Variants in PCNX4 observed in about 807,000 individuals in gnomAD.
PCNX4 encodes the protein pecanex-like protein 4.
Under a neutral mutation model 107.2 loss-of-function variants are expected in PCNX4, and 103 were observed. That is an observed-to-expected ratio of 0.96 (90% CI 0.82 to 1.13). The LOEUF (loss-of-function observed/expected upper bound fraction) is 1.13, where lower values mean the gene tolerates loss of function less well. PCNX4 is among the 50% of genes most tolerant of loss of function. The pLI is 0.00. For synonymous variants in PCNX4, 541 were observed against 481.7 expected (o/e 1.12, Z -1.61); for missense variants, 1,528 against 1,379.4 (o/e 1.11, Z -1.71).
chr14:60,125,662 A>G lies in PCNX4; in HGVS notation c.3106A>G (p.Lys1036Glu). ...GTATACTCTGAAACTAATGATTGAT[A>G]AAGCAAGTTTAGGTCCAATAGAAGA... ...FRYTLKLMID[K>E]ASLGPIEDFR... The change falls in exon 10 of 11, where the codon AAA becomes GAA. Residue 1036 changes from lysine (K) to glutamate (E), a missense_variant. Transcript: ENST00000406854. The G allele has an allele frequency of 6.5e-7, 1 of 1,547,056 alleles. No homozygotes were observed.
rs1003281612 is a variant in PCNX4 at position 60,137,936 on chromosome 14, A to T, written c.*3715A>T. 6.6e-6 allele frequency: 1 copy of T among 151,940 alleles called. No homozygotes were observed. Among genetic ancestry groups the T allele is most frequent in the African/African-American group, 2.4e-5 (1 of 41,302 alleles). 9.4% of individuals were successfully genotyped at this position (151,940 alleles called of 1,614,324 possible). ...AACCCCATCTGTAGTAAAAATAAAA[A>T]AAAAAATAACCGGGTGTGGTGGTGG... On this transcript the variant is annotated 3_prime_UTR_variant, in exon 11 of 11. Coordinates refer to ENST00000406854, the MANE Select transcript of PCNX4 (RefSeq NM_001330177.2).
Position 60,107,935 on chromosome 14 carries a change from A to G in PCNX4, c.297A>G (p.Thr99=), listed in dbSNP as rs759445130. The G allele has an allele frequency of 5.0e-6, 8 of 1,612,760 alleles. No individual in the cohort carries two copies. In the East Asian group the frequency reaches 1.3e-4, roughly 27 times the overall value. Residue 99 remains threonine, a synonymous_variant, in exon 2 of 11, where the codon ACA becomes ACG. Transcript: ENST00000406854. ...FTSLYAKNKS[T]TVERILTTDI... is the part of the protein sequence containing the mutation. ...GTTTATACGCCAAAAACAAATCAAC[A>G]ACAGTAGAAAGAATACTAACCACGG...
chr14:60,132,194 T>TAG (rs1896167296), intron 10 of PCNX4, among the ~76,000 whole-genome samples: 1 of 152,208 alleles, frequency 6.6e-6, no homozygotes, highest in Non-Finnish European at 1.5e-5. Context: ...TCTTTGGCTA[T>TAG]GGCTGAGTAA....
intron 7 of PCNX4, among the ~76,000 whole-genome samples, chr14:60,120,829 T>C (rs562606622): frequency 1.3e-5 from 2 of 152,306 alleles, no homozygotes; most frequent in South Asian, 4.1e-4. Context: ...TATCCATGTA[T>C]AAAAATGTCA....
intron 10 of PCNX4, 100 bp from the exon 11 acceptor site, chr14:60,133,870 A>C (rs1283209814): frequency 8.2e-7 from 1 of 1,226,104 alleles, no homozygotes. Flanking sequence ...AAGTTTGCCT[A>C]ATTACAATGC....
intron 1 of PCNX4, among the ~76,000 whole-genome samples, chr14:60,103,201 T>A (rs1347440367): frequency 6.6e-6 from 1 of 152,210 alleles, no homozygotes; most frequent in Non-Finnish European, 1.5e-5. Flanking sequence ...ATCTTTAAGA[T>A]CCTGATGGAA....
chr14:60,092,968 T>G (rs1200048052), intron 1 of PCNX4, among the ~76,000 whole-genome samples: 1 of 152,228 alleles, frequency 6.6e-6, no homozygotes, highest in East Asian at 1.9e-4. Context: ...TTTTAGGTGT[T>G]TGTTTTCTTC....
chr14:60,124,794 C>T lies in PCNX4; in HGVS notation c.2623C>T (p.Leu875Phe), dbSNP rs757904237. 1 of 1,613,526 alleles carries T rather than the reference C, an allele frequency of 6.2e-7. No homozygotes were observed. Among genetic ancestry groups the T allele is most frequent in the South Asian group, 1.1e-5 (1 of 91,074 alleles). ...TACAGGCACTGTTCCTGAAAACGATCTTTACAAAGCAGTTCTATTAGGATA... is the reference window on the plus strand; with the variant it reads ...TACAGGCACTGTTCCTGAAAACGATTTTTACAAAGCAGTTCTATTAGGATA... ...HSTGTVPEND[L>F]YKAVLLGYPA... Residue 875 changes from leucine to phenylalanine, a missense_variant, in exon 9 of 11, where the codon CTT (leucine) becomes TTT (phenylalanine). Coordinates refer to ENST00000406854, the MANE Select transcript of PCNX4 (RefSeq NM_001330177.2).
rs1341788820 is a variant in PCNX4 at position 60,147,303 on chromosome 14, C to A, written c.*13082C>A. On this transcript the variant is annotated 3_prime_UTR_variant, in exon 11 of 11. Coordinates refer to ENST00000406854, the MANE Select transcript of PCNX4 (RefSeq NM_001330177.2). ...CTTATGTTATTATAATTTACAGATT[C>A]TAAGGATCTAATATACCGCATGGTG... 1.3e-5 allele frequency: 2 copies of A among 152,094 alleles called. No homozygotes were observed. The highest frequency in any genetic ancestry group is 4.8e-5 in the African/African-American group (2 of 41,398). 9.4% of individuals were successfully genotyped at this position (152,094 alleles called of 1,614,324 possible).
rs528743479 is a variant in PCNX4, at chr14:60,136,769, T to G, written c.*2548T>G. ...ATGATGAGGTGGTTCTGGCCCTTGT[T>G]GTGGTGGGATGTCATCATAGTATTC... On this transcript the variant is annotated 3_prime_UTR_variant, in exon 11 of 11. Coordinates refer to ENST00000406854, the MANE Select transcript of PCNX4 (RefSeq NM_001330177.2). The G allele has an allele frequency of 2.0e-5, 3 of 152,666 alleles. No homozygotes were observed. The highest frequency in any genetic ancestry group is 2.1e-4 in the South Asian group (1 of 4,828). The allele number at this position is 152,666 out of a possible 1,614,324, so 9.5% of individuals were successfully genotyped here.
chr14:60,094,123 C>A (rs560452072), intron 1 of PCNX4, among the ~76,000 whole-genome samples: 2 of 152,006 alleles, frequency 1.3e-5, no homozygotes, highest in Non-Finnish European at 2.9e-5. Context: ...ATATGATTTG[C>A]ACAAATTTTC....
Position 60,134,225 on chromosome 14 carries a change from T to G in PCNX4, c.*4T>G, listed in dbSNP as rs770279590. The G allele has an allele frequency of 3.1e-6, 5 of 1,611,470 alleles. No homozygotes were observed. The highest frequency in any genetic ancestry group is 4.2e-6 in the Non-Finnish European group (5 of 1,178,292). ...TCTCCACATACATTTGTATTAGAGC[T>G]CATTTTGACTGTAATGTCATCAAAT... On this transcript the variant is annotated 3_prime_UTR_variant, in exon 11 of 11. Transcript: ENST00000406854.
intron 2 of PCNX4, among the ~76,000 whole-genome samples, chr14:60,111,645 G>T (rs1895742789): frequency 1.3e-5 from 2 of 152,048 alleles, no homozygotes; most frequent in South Asian, 4.1e-4. Flanking sequence ...TGAATCCTAG[G>T]TTCTTTAATT....
intron 1 of PCNX4, among the ~76,000 whole-genome samples, chr14:60,100,231 CA>C (rs201596952): frequency 2.6e-4 from 39 of 148,056 alleles, no homozygotes; most frequent in East Asian, 1.2e-3. Context: ...AGCCAATTTA[CA>C]AAAAAAAAAT....
intron 10 of PCNX4, among the ~76,000 whole-genome samples, chr14:60,129,732 G>A (rs893929200): frequency 1.1e-4 from 16 of 152,202 alleles, no homozygotes; most frequent in African/African-American, 3.1e-4. Context: ...GAACTAGAAC[G>A]TTGTAAGAGT....
Position 60,107,798 on chromosome 14 carries a change from T to TG in PCNX4, c.164dup (p.Gly56TrpfsTer60). On this transcript the variant is annotated frameshift_variant, in exon 2 of 11. Transcript: ENST00000406854. LOFTEE classifies it high-confidence loss of function. ...TATTCTTTTTCTAATGCCATGGGTTTGGGGTGGAGTCGGAACACTTTTATA... is the reference window on the plus strand; with the variant it reads ...TATTCTTTTTCTAATGCCATGGGTTTGGGGGTGGAGTCGGAACACTTTTATA... The TG allele has an allele frequency of 6.2e-7, 1 of 1,612,798 alleles. No individual in the cohort carries two copies. Among genetic ancestry groups the TG allele is most frequent in the Non-Finnish European group, 8.5e-7 (1 of 1,179,830 alleles).
rs781733888 is a variant in PCNX4 at position 60,107,972 on chromosome 14, G to A, written c.334G>A (p.Glu112Lys). The change falls in exon 2 of 11, where the codon GAG becomes AAG. Residue 112 changes from glutamate (E) to lysine (K), a missense_variant. Transcript: ENST00000406854. Reference protein sequence around the residue: ...ERILTTDILAEEDEHEFTSCT... With the variant: ...ERILTTDILAKEDEHEFTSCT... ...AATACTAACCACGGATATCTTAGCAGAGGAGGATGAGCATGAATTTACCAG... is the reference window on the plus strand; with the variant it reads ...AATACTAACCACGGATATCTTAGCAAAGGAGGATGAGCATGAATTTACCAG... 3.7e-6 allele frequency: 6 copies of A among 1,612,828 alleles called. No homozygotes were observed. The highest frequency in any genetic ancestry group is 5.1e-6 in the Non-Finnish European group (6 of 1,179,848).
Position 60,139,770 on chromosome 14 carries a change from GA to G in PCNX4, c.*5554del, listed in dbSNP as rs1896285917. On this transcript the variant is annotated 3_prime_UTR_variant, in exon 11 of 11. Coordinates refer to ENST00000406854, the MANE Select transcript of PCNX4 (RefSeq NM_001330177.2). ...GAAATCAATAATAATTTCAAAAATAGAAAAATTCTATTAAGTTCATAAATTA... is the reference window on the plus strand; with the variant it reads ...GAAATCAATAATAATTTCAAAAATAGAAAATTCTATTAAGTTCATAAATTA... The G allele has an allele frequency of 6.6e-6, 1 of 151,898 alleles. No individual in the cohort carries two copies. The highest frequency in any genetic ancestry group is 1.5e-5 in the Non-Finnish European group (1 of 67,912). 9.4% of individuals were successfully genotyped at this position (151,898 alleles called of 1,614,324 possible).
chr14:60,115,425 A>C lies in PCNX4; in HGVS notation c.1321A>C (p.Lys441Gln). 1.9e-6 allele frequency: 3 copies of C among 1,550,336 alleles called. No homozygotes were observed. The highest frequency in any genetic ancestry group is 3.5e-4 in the Middle Eastern group (2 of 5,762). The change falls in exon 4 of 11, where the codon AAG (lysine) becomes CAG (glutamine). Residue 441 changes from lysine (K) to glutamine (Q), a missense_variant. Physicochemically the swap from Lys to Gln is moderately conservative, Grantham distance 53. Coordinates refer to ENST00000406854, the MANE Select transcript of PCNX4 (RefSeq NM_001330177.2). ...VFFEKQTRLM[K>Q]IGIVRRILLT... ...CTTTGAGAAGCAAACTAGGCTCATG[A>C]AGATTGGTATTGTCAGACGGATTTT...
Sources: gnomAD v4.1 joint callset for allele counts (sites outside exome capture counted in the v4.1 genomes callset) on GRCh38, gnomAD v4.1.1 for gene constraint, MANE v1.5 for transcripts, NCBI Gene and HGNC (gene_info 2026-07-23, HGNC 2026-07-21) for gene names.